Variants in RPL34 observed in about 807,000 individuals in gnomAD.
RPL34 encodes the protein ribosomal protein L34, also known as large ribosomal subunit protein eL34.
RPL34 carries 2 observed loss-of-function variants against 16.3 expected under a neutral mutation model. The ratio of observed to expected loss-of-function variants is 0.12; its 90% CI spans 0.05 to 0.39. RPL34 has a LOEUF of 0.39. Ranked by LOEUF, RPL34 falls within the 10% of genes least tolerant of loss-of-function variation. RPL34 has a pLI of 0.99. For missense variants in RPL34, 82 were observed against 148.8 expected, an observed-to-expected ratio of 0.55 and a Z score of 2.33; for synonymous variants, 47 against 48.5, an observed-to-expected ratio of 0.97 and a Z score of 0.13.
chr4:108,625,290 T>G lies in RPL34; in HGVS notation c.*78T>G, dbSNP rs1442302486. On this transcript the variant is annotated 3_prime_UTR_variant, in exon 5 of 5. Coordinates refer to ENST00000394667, the MANE Select transcript of RPL34 (RefSeq NM_001319236.2). Reference sequence around the variant, plus strand: ...TTTTTTTTTTTCTGTTGTAATGTGTTAGTATACAGATTTTGTTTCTGTATG... The same window carrying G: ...TTTTTTTTTTTCTGTTGTAATGTGTGAGTATACAGATTTTGTTTCTGTATG... 2 of 781,486 alleles carry G rather than the reference T, an allele frequency of 2.6e-6. No individual in the cohort carries two copies. Among genetic ancestry groups the G allele is most frequent in the Non-Finnish European group, 4.3e-6 (2 of 468,084 alleles). 48.4% of individuals were successfully genotyped at this position (781,486 alleles called of 1,614,324 possible).
chr4:108,623,597 G>A (rs977619806), intron 4 of RPL34, among the ~76,000 whole-genome samples: 5 of 151,988 alleles, frequency 3.3e-5, no homozygotes, highest in Non-Finnish European at 7.4e-5. Context: ...TTTTAGTAGA[G>A]ACAAGGTTTC....
downstream of RPL34, among the ~76,000 whole-genome samples, chr4:108,629,674 A>T (rs961430257): frequency 1.3e-5 from 2 of 152,246 alleles, no homozygotes; most frequent in African/African-American, 4.8e-5. Context: ...TTAAAGTCTA[A>T]TATTTCTCCT....
At chr4:108,628,547 G>C (rs1323277592), downstream of RPL34, among the ~76,000 whole-genome samples, 1 of 152,168 alleles carries the variant, frequency 6.6e-6, no homozygotes, top group Non-Finnish European at 1.5e-5. Context: ...CTGAGTTCTT[G>C]CTGGTGGAAG....
rs149893323 is a variant in RPL34 at position 108,622,095 on chromosome 4, C to G, written c.66-10C>G. 4 of 1,608,526 alleles carry G rather than the reference C, an allele frequency of 2.5e-6. No individual in the cohort carries two copies. ...CAAAATGCTGACCTACTGACTGTTT[C>G]ACTTTCTAGGTCCCGAACCCCTGGT... On this transcript the variant is annotated splice_polypyrimidine_tract_variant and intron_variant, in intron 2 of 4. Coordinates refer to ENST00000394667, the MANE Select transcript of RPL34 (RefSeq NM_001319236.2).
downstream of RPL34, among the ~76,000 whole-genome samples, chr4:108,627,974 G>A (rs1353752543): frequency 6.6e-6 from 1 of 152,112 alleles, no homozygotes; most frequent in Admixed American, 6.5e-5. Context: ...CCATTTTACT[G>A]ATGAGAGAAC....
chr4:108,624,060 CT>C lies in RPL34; in HGVS notation c.270-1061del, dbSNP rs199641018. On this transcript the variant is annotated intron_variant, in intron 4 of 4. Transcript: ENST00000394667. ...TGAGTTTTAAGCTGAAGAAGTTTGG[CT>C]TTTTTTCCCCCAGTCTTTGGTTCTA... Among the ~76,000 whole-genome samples the C allele has an allele frequency of 1.1e-4, 12 of 108,554 alleles. No individual in the cohort carries two copies. The Admixed American group carries it at 1.2e-3, about 11-fold the overall frequency. The allele number at this position is 108,554 out of a possible 152,430, so 71.2% of individuals were successfully genotyped here. A position where few individuals can be genotyped will look rare whatever the true frequency, so the allele number is the denominator to read the frequency against.
intron 4 of RPL34, chr4:108,622,988 G>T (rs562434622): frequency 6.1e-6 from 1 of 163,934 alleles, no homozygotes; most frequent in South Asian, 1.8e-4. Context: ...GAAGAGTTGT[G>T]TATTCTCATG....
downstream of RPL34, chr4:108,630,039 G>A (rs1726125406): frequency 6.6e-6 from 1 of 152,158 alleles, no homozygotes; most frequent in African/African-American, 2.4e-5. Flanking sequence ...GAAAAAGTTG[G>A]TGTGCTGGAG....
Position 108,625,230 on chromosome 4 carries a change from G to A in RPL34, c.*18G>A. 1.3e-6 allele frequency: 2 copies of A among 1,514,076 alleles called. No homozygotes were observed. Among genetic ancestry groups the A allele is most frequent in the East Asian group, 4.5e-5 (2 of 44,276 alleles). 93.8% of individuals were successfully genotyped at this position (1,514,076 alleles called of 1,614,324 possible). On this transcript the variant is annotated 3_prime_UTR_variant, in exon 5 of 5. Transcript: ENST00000394667. ...CTAAATAAAAAAATGAAACTTTTTTGAGTAATAAAAATGAAAAGACGCTGT... is the reference window on the plus strand; with the variant it reads ...CTAAATAAAAAAATGAAACTTTTTTAAGTAATAAAAATGAAAAGACGCTGT...
downstream of RPL34, chr4:108,625,407 C>T (rs759946788): frequency 6.3e-6 from 3 of 473,974 alleles, no homozygotes; most frequent in East Asian, 3.4e-5. Context: ...TTTTTTGAGA[C>T]GGAGTTTCTC....
rs544460954 is a variant in RPL34, at chr4:108,620,577, C to T, written c.-33C>T. 9 of 316,968 alleles carry T rather than the reference C, an allele frequency of 2.8e-5. 1 individual carries two copies. Among genetic ancestry groups the T allele is most frequent in the East Asian group, 8.4e-5 (1 of 11,960 alleles). The allele number at this position is 316,968 out of a possible 1,614,324, so 19.6% of individuals were successfully genotyped here. On this transcript the variant is annotated 5_prime_UTR_variant, in exon 1 of 5. Transcript: ENST00000394667. ...TGAACTGGCAAAGGCTTTTTTCTTC[C>T]TCTTCCGGGGACGTTGTCTGCAGGT...
chr4:108,625,367 GTTGT>G (rs558165652), exon 5 of RPL34: 920 of 521,286 alleles, frequency 1.8e-3, 4 homozygotes, highest in African/African-American at 0.012. Flanking sequence ...TGTTTTGTTT[GTTGT>G]TTGTTTGTTT....
At chr4:108,627,291 C>T (rs1005510681), downstream of RPL34, among the ~76,000 whole-genome samples, 1 of 151,932 alleles carries the variant, frequency 6.6e-6, no homozygotes, top group African/African-American at 2.4e-5. Context: ...CCCCTATAGT[C>T]CCAGTCTCAA....
At position 108,622,617 on chromosome 4, in the gene RPL34, A is replaced by G; in HGVS notation, c.268A>G (p.Arg90Gly). 1.9e-6 allele frequency: 3 copies of G among 1,577,670 alleles called. No homozygotes were observed. The highest frequency in any genetic ancestry group is 2.6e-6 in the Non-Finnish European group (3 of 1,163,126). Residue 90 changes from arginine to glycine, a missense_variant and splice_region_variant, in exon 4 of 5, where the codon AGG becomes GGG. Transcript: ENST00000394667. Reference sequence around the variant, plus strand: ...CATGTGTGCTAAATGTGTTCGTGACAGGTAAGTTAAATGCTTAAATGGGCT... The same window carrying G: ...CATGTGTGCTAAATGTGTTCGTGACGGGTAAGTTAAATGCTTAAATGGGCT... ...GSMCAKCVRD[R>G]IKRAFLIEEQ...
chr4:108,626,734 C>T (rs753578263), downstream of RPL34, among the ~76,000 whole-genome samples: 1 of 152,078 alleles, frequency 6.6e-6, no homozygotes, highest in African/African-American at 2.4e-5. Context: ...CCCTTGCACC[C>T]GGCCAACACC....
chr4:108,622,810 A>G (rs1244481498), intron 4 of RPL34, 192 bp downstream of exon 4: 1 of 459,634 alleles, frequency 2.2e-6, no homozygotes, highest in Non-Finnish European at 3.9e-6. Context: ...GGGCATATTT[A>G]TGCTAGATGT....
At chr4:108,629,494 C>T (rs901568597), downstream of RPL34, among the ~76,000 whole-genome samples, 7 of 151,970 alleles carry the variant, frequency 4.6e-5, no homozygotes, top group Non-Finnish European at 7.4e-5. Context: ...CGGGTGTGAA[C>T]ATAGTAACGA....
At position 108,620,583 on chromosome 4, in the gene RPL34, CGGGGA is replaced by C. The variant is rs1725708086; in HGVS notation, c.-26_-22del. ...GGCAAAGGCTTTTTTCTTCCTCTTCCGGGGACGTTGTCTGCAGGTATGGATGTTGT... is the reference window on the plus strand; with the variant it reads ...GGCAAAGGCTTTTTTCTTCCTCTTCCCGTTGTCTGCAGGTATGGATGTTGT... On this transcript the variant is annotated 5_prime_UTR_variant, in exon 1 of 5. Coordinates refer to ENST00000394667, the MANE Select transcript of RPL34 (RefSeq NM_001319236.2). The C allele has an allele frequency of 3.2e-6, 1 of 316,650 alleles. No individual in the cohort carries two copies. The highest frequency in any genetic ancestry group is 6.4e-6 in the Non-Finnish European group (1 of 157,334). The allele number at this position is 316,650 out of a possible 1,614,324, so 19.6% of individuals were successfully genotyped here. A position where few individuals can be genotyped will look rare whatever the true frequency, so the allele number is the denominator to read the frequency against.
At chr4:108,623,948 G>A (rs747152790) in intron 4 of RPL34, among the ~76,000 whole-genome samples, 10 of 152,164 alleles carry the variant, frequency 6.6e-5, no homozygotes, top group Non-Finnish European at 1.0e-4. Context: ...TGGACAAAAG[G>A]CAGAAAGGGC....
Sources: gnomAD v4.1 joint callset for allele counts (sites outside exome capture counted in the v4.1 genomes callset) on GRCh38, gnomAD v4.1.1 for gene constraint, MANE v1.5 for transcripts, NCBI Gene and HGNC (gene_info 2026-07-23, HGNC 2026-07-21) for gene names.